NSUN6: variants seen among roughly 807,000 people sequenced by gnomAD.
NSUN6 encodes tRNA (cytosine(72)-C(5))-methyltransferase NSUN6.
In NSUN6, 64 loss-of-function variants were observed where a neutral mutation model predicts 58.0. That is an observed-to-expected ratio of 1.10 (90% CI 0.90 to 1.36). NSUN6 has a LOEUF of 1.36. NSUN6 is among the 40% of genes most tolerant of loss of function. NSUN6 has a pLI of 0.00. For synonymous variants in NSUN6, 231 were observed against 193.9 expected (o/e 1.19, Z -1.59); for missense variants, 701 against 550.1 (o/e 1.27, Z -2.74).
At chr10:18,586,719 T>G (rs1290495049) in intron 7 of NSUN6, among the ~76,000 whole-genome samples, 2 of 152,166 alleles carry the variant, frequency 1.3e-5, no homozygotes, top group African/African-American at 4.8e-5. Flanking sequence ...GCAGCAAGAT[T>G]TATTGTGAAG....
chr10:18,551,020 T>C (rs2133399399), intron 9 of NSUN6, among the ~76,000 whole-genome samples: 1 of 152,280 alleles, frequency 6.6e-6, no homozygotes, highest in South Asian at 2.1e-4. Context: ...GCCACCATAC[T>C]AGCCAATAAC....
chr10:18,636,939 TAAA>T (rs199781765), intron 3 of NSUN6, among the ~76,000 whole-genome samples: 5 of 117,842 alleles, frequency 4.2e-5, no homozygotes, highest in Non-Finnish European at 3.5e-5. Context: ...AATCAGGAGT[TAAA>T]AAAAAAAAAA....
chr10:18,563,636 C>A (rs1202360544), intron 8 of NSUN6, among the ~76,000 whole-genome samples: 1 of 149,640 alleles, frequency 6.7e-6, no homozygotes, highest in Non-Finnish European at 1.5e-5. Context: ...CATTCCATTG[C>A]ATTCTCCATT....
chr10:18,573,899 G>T (rs1040298617), intron 8 of NSUN6, among the ~76,000 whole-genome samples: 3 of 152,084 alleles, frequency 2.0e-5, no homozygotes, highest in African/African-American at 4.8e-5. Context: ...CTTATGGATT[G>T]ACTCATATGC....
rs2059692545 is a variant in NSUN6 at position 18,651,118 on chromosome 10, A to G, written c.75+11T>C. ...TTGCAAAATATCAACTAACATCTTT[A>G]CTTGACCTACCTCCTTATTCATAAA... is the stretch of plus-strand genomic sequence containing the variant. On this transcript the variant is annotated intron_variant, in intron 1 of 10. Transcript: ENST00000377304. 6.4e-7 allele frequency: 1 copy of G among 1,572,664 alleles called. No individual in the cohort carries two copies. The highest frequency in any genetic ancestry group is 1.4e-5 in the African/African-American group (1 of 71,726).
chr10:18,651,712 A>G (rs996747833), upstream of NSUN6: 78 of 985,348 alleles, frequency 7.9e-5, no homozygotes, highest in Middle Eastern at 1.0e-3. Flanking sequence ...TTTCCCCAAC[A>G]CTGCGTTACG....
At chr10:18,561,372 T>G (rs1305686467) in intron 8 of NSUN6, among the ~76,000 whole-genome samples, 1 of 75,994 alleles carries the variant, frequency 1.3e-5, no homozygotes, top group Non-Finnish European at 2.7e-5. Context: ...GAGAATACAA[T>G]GGAATGGAAT....
chr10:18,630,262 G>A (rs1006254833), intron 3 of NSUN6, among the ~76,000 whole-genome samples: 112 of 149,932 alleles, frequency 7.5e-4, no homozygotes, highest in African/African-American at 2.7e-3. Flanking sequence ...GCAGTATGTA[G>A]AGGGAAATTT....
chr10:18,648,521 A>C lies in NSUN6; in HGVS notation c.200T>G (p.Val67Gly). 1 of 1,604,152 alleles carries C rather than the reference A, an allele frequency of 6.2e-7. No homozygotes were observed. The highest frequency in any genetic ancestry group is 8.5e-7 in the Non-Finnish European group (1 of 1,172,808). The change falls in exon 2 of 11, where the codon GTG becomes GGG. Residue 67 changes from valine to glycine, a missense_variant. Coordinates refer to ENST00000377304, the MANE Select transcript of NSUN6 (RefSeq NM_182543.5). ...VNTHLASVQHVKNLLLDELQK... is the reference protein window; with the variant it reads ...VNTHLASVQHGKNLLLDELQK... ...AAGTTCATCAAGTAACAGATTTTTCACATGTTGTACTGAGGCTAAATGTGT... is the reference window on the plus strand; with the variant it reads ...AAGTTCATCAAGTAACAGATTTTTCCCATGTTGTACTGAGGCTAAATGTGT...
In NSUN6 at chr10:18,551,826, A is replaced by G. The variant is rs1381002372; in HGVS notation, c.1068T>C (p.Thr356=). 6.2e-7 allele frequency: 1 copy of G among 1,612,336 alleles called. No homozygotes were observed. The highest frequency in any genetic ancestry group is 1.3e-5 in the African/African-American group (1 of 75,012). Residue 356 remains threonine (T), a synonymous_variant, in exon 9 of 11, where the codon ACT becomes ACC. Coordinates refer to ENST00000377304, the MANE Select transcript of NSUN6 (RefSeq NM_182543.5). Reference sequence around the variant, plus strand: ...ACAAAAACAGACCACCACATACTGCAGTGAAGAGTTTTCGCTGTAATGGCT... The same window carrying G: ...ACAAAAACAGACCACCACATACTGCGGTGAAGAGTTTTCGCTGTAATGGCT... The part of the protein sequence containing the change: ...SYQPLQRKLF[T]AAVQLLKPEG...
rs2056708117 is a variant in NSUN6, at chr10:18,577,483, T to C, written c.922+8466A>G. On this transcript the variant is annotated intron_variant, in intron 8 of 10. Coordinates refer to ENST00000377304, the MANE Select transcript of NSUN6 (RefSeq NM_182543.5). ...TGTGTCATATCACGCATCCATGGGT[T>C]GGTACAGAGGCTCATAGAAATGGCA... 2.6e-5 allele frequency among the ~76,000 whole-genome samples: 4 copies of C among 152,144 alleles called. No homozygotes were observed. In the South Asian group the frequency reaches 8.3e-4, roughly 31 times the overall value.
At chr10:18,586,658 C>T (rs558344540) in intron 7 of NSUN6, among the ~76,000 whole-genome samples, 15 of 152,292 alleles carry the variant, frequency 9.8e-5, no homozygotes, top group East Asian at 9.7e-4. Context: ...CGCAGACCTT[C>T]GTAGTGAGTG....
intron 7 of NSUN6, among the ~76,000 whole-genome samples, chr10:18,590,883 CAATA>C (rs1372366548): frequency 6.6e-6 from 1 of 151,802 alleles, no homozygotes; most frequent in African/African-American, 2.4e-5. Context: ...TAGCAGAAAA[CAATA>C]AATAACTAGA....
chr10:18,637,687 C>T (rs575564117), intron 3 of NSUN6, among the ~76,000 whole-genome samples: 4 of 152,160 alleles, frequency 2.6e-5, no homozygotes, highest in South Asian at 2.1e-4. Flanking sequence ...CCAACACTTC[C>T]GGTAATAATG....
intron 1 of NSUN6, among the ~76,000 whole-genome samples, chr10:18,650,137 C>A (rs1328045662): frequency 6.6e-6 from 1 of 151,964 alleles, no homozygotes; most frequent in Non-Finnish European, 1.5e-5. Context: ...CAGGCACTGC[C>A]AATTGCAAAC....
At chr10:18,546,489 C>T (rs1285255107) in intron 10 of NSUN6, among the ~76,000 whole-genome samples, 8 of 152,122 alleles carry the variant, frequency 5.3e-5, no homozygotes, top group African/African-American at 1.9e-4. Context: ...GTTAACTAAC[C>T]ACATTTCCTC....
At chr10:18,603,079 G>A (rs950671741) in intron 6 of NSUN6, among the ~76,000 whole-genome samples, 2 of 152,006 alleles carry the variant, frequency 1.3e-5, no homozygotes, top group Non-Finnish European at 2.9e-5. Flanking sequence ...GATCACTTGA[G>A]GCCAGGAGTT....
rs183090246 is a variant in NSUN6 at position 18,600,583 on chromosome 10, C to G, written c.658-4256G>C. Reference sequence around the variant, plus strand: ...AAGGCTGCAGTGAGCCATAATCCCACCACCACACTCAGCCTGGGAGACAAA... The same window carrying G: ...AAGGCTGCAGTGAGCCATAATCCCAGCACCACACTCAGCCTGGGAGACAAA... On this transcript the variant is annotated intron_variant, in intron 6 of 10. Transcript: ENST00000377304. 2.8e-3 allele frequency among the ~76,000 whole-genome samples: 432 copies of G among 152,008 alleles called. 1 individual carries two copies. Among genetic ancestry groups the G allele is most frequent in the Admixed American group, 4.2e-3 (64 of 15,244 alleles).
At chr10:18,619,594 T>A (rs1466373937) in intron 3 of NSUN6, among the ~76,000 whole-genome samples, 1 of 152,230 alleles carries the variant, frequency 6.6e-6, no homozygotes, top group East Asian at 1.9e-4. Context: ...TTTTAATCAC[T>A]CAACTACATC....
Sources: allele counts gnomAD v4.1 joint callset (sites outside exome capture counted in the v4.1 genomes callset), GRCh38; gene constraint gnomAD v4.1.1; transcripts MANE v1.5; gene names NCBI Gene and HGNC (gene_info 2026-07-23, HGNC 2026-07-21).